The following MTDH variants were observed in gnomAD, a reference collection of about 807,000 sequenced individuals.
The protein encoded by MTDH is protein LYRIC.
A neutral mutation model predicts 72.7 loss-of-function variants in MTDH; 34 were observed. That is an observed-to-expected ratio of 0.47 (90% CI 0.36 to 0.62). MTDH has a LOEUF of 0.62. Among genes scored for constraint, MTDH ranks in the 20% least tolerant of loss-of-function variants. The pLI, the probability that MTDH is intolerant of heterozygous loss-of-function variation, is 0.00. For synonymous variants in MTDH, 266 were observed against 268.9 expected (o/e 0.99, Z 0.10); for missense variants, 677 against 699.4 (o/e 0.97, Z 0.36).
In MTDH at chr8:97,713,268, G is replaced by A. The variant is rs186004135; in HGVS notation, c.1273-394G>A. On this transcript the variant is annotated intron_variant, in intron 8 of 11. Coordinates refer to ENST00000336273, the MANE Select transcript of MTDH (RefSeq NM_178812.4). ...CCCGGCTAATTTTTTTGTATTTTTA[G>A]TAGAGATGGGGTTTCACCATGTTAG... 5.0e-3 allele frequency among the ~76,000 whole-genome samples: 753 copies of A among 152,072 alleles called. 5 individuals are homozygous for A. The highest frequency in any genetic ancestry group is 0.017 in the African/African-American group (720 of 41,480).
At chr8:97,667,678 G>C (rs963908914) in intron 2 of MTDH, among the ~76,000 whole-genome samples, 1 of 152,032 alleles carries the variant, frequency 6.6e-6, no homozygotes, top group Non-Finnish European at 1.5e-5. Context: ...AACATGACTT[G>C]TTGGCAAGTG....
chr8:97,725,944 G>A lies in MTDH; in HGVS notation c.*1274G>A, dbSNP rs946863998. 6.6e-6 allele frequency: 1 copy of A among 152,498 alleles called. No homozygotes were observed. Among genetic ancestry groups the A allele is most frequent in the Non-Finnish European group, 1.5e-5 (1 of 68,024 alleles). 9.4% of individuals were successfully genotyped at this position (152,498 alleles called of 1,614,324 possible). A position where few individuals can be genotyped will look rare whatever the true frequency, so the allele number is the denominator to read the frequency against. ...AGGACCATAATTAACATCACTTAGT[G>A]AATTGTGATAAAGAAAAAAAAGCCA... is the stretch of plus-strand genomic sequence containing the variant. On this transcript the variant is annotated 3_prime_UTR_variant, in exon 12 of 12. Coordinates refer to ENST00000336273, the MANE Select transcript of MTDH (RefSeq NM_178812.4).
At chr8:97,687,373 A>G (rs1813408240) in intron 3 of MTDH, 56 bp from the exon 4 acceptor site, 7 of 1,473,814 alleles carry the variant, frequency 4.7e-6, no homozygotes, top group South Asian at 1.4e-5. Context: ...CCCCAAAACT[A>G]TAACTTTTTT....
intron 7 of MTDH, among the ~76,000 whole-genome samples, chr8:97,700,764 G>A (rs999154304): frequency 6.6e-6 from 1 of 152,160 alleles, no homozygotes; most frequent in Non-Finnish European, 1.5e-5. Context: ...CTTTTCCCAG[G>A]CCACACAGTT....
intron 9 of MTDH, among the ~76,000 whole-genome samples, chr8:97,714,005 T>A (rs532287746): frequency 1.3e-5 from 2 of 152,334 alleles, no homozygotes; most frequent in South Asian, 4.1e-4. Flanking sequence ...TTCCAAATTA[T>A]TCATGCATTT....
rs138382583 is a variant in MTDH at position 97,664,572 on chromosome 8, C to T, written c.483+3399C>T. 1.4e-3 allele frequency among the ~76,000 whole-genome samples: 220 copies of T among 152,156 alleles called. 1 individual carries two copies. The highest frequency in any genetic ancestry group is 5.1e-3 in the African/African-American group (210 of 41,528). ...GGCTGGTGTTCTGTTTTTGCCATCC[C>T]GTTTTGCATTTTGAATTTATGCTTT... is the stretch of plus-strand genomic sequence containing the variant. On this transcript the variant is annotated intron_variant, in intron 2 of 11. Coordinates refer to ENST00000336273, the MANE Select transcript of MTDH (RefSeq NM_178812.4).
At chr8:97,720,683 A>G (rs1461104087) in intron 10 of MTDH, among the ~76,000 whole-genome samples, 11 of 123,472 alleles carry the variant, frequency 8.9e-5, no homozygotes, top group African/African-American at 1.6e-4. Flanking sequence ...GTCTTGCTCT[A>G]TTGCCCAGGC....
chr8:97,712,662 G>T (rs1455932610), intron 8 of MTDH, among the ~76,000 whole-genome samples: 1 of 152,260 alleles, frequency 6.6e-6, no homozygotes, highest in African/African-American at 2.4e-5. Flanking sequence ...TAAGAAACTG[G>T]TTTTTCTGTA....
At chr8:97,685,357 TTAATG>T (rs937791464) in intron 2 of MTDH, among the ~76,000 whole-genome samples, 3 of 152,204 alleles carry the variant, frequency 2.0e-5, no homozygotes, top group Non-Finnish European at 4.4e-5. Flanking sequence ...ATTTATTTTT[TTAATG>T]TAATCTCTTG....
Position 97,722,307 on chromosome 8 carries a change from A to T in MTDH, c.1522-572A>T, listed in dbSNP as rs189874779. ...TCATCTTATTTATATGAAACTTAAG[A>T]ATATAAAAGTTAGGCCGGGCGTGGT... On this transcript the variant is annotated intron_variant, in intron 10 of 11. Transcript: ENST00000336273. Among the ~76,000 whole-genome samples, 224 of 152,314 alleles carry T rather than the reference A, an allele frequency of 1.5e-3. 1 individual carries two copies. The highest frequency in any genetic ancestry group is 5.1e-3 in the African/African-American group (210 of 41,572).
At chr8:97,667,007 G>A (rs7843569) in intron 2 of MTDH, among the ~76,000 whole-genome samples, 30,360 of 151,038 alleles carry the variant, frequency 0.2, 3,301 homozygotes, top group East Asian at 0.33. Flanking sequence ...ATTTTGTTTT[G>A]TTTGAAGAGA....
intron 2 of MTDH, among the ~76,000 whole-genome samples, chr8:97,680,105 C>T (rs1464802815): frequency 1.3e-5 from 2 of 152,116 alleles, no homozygotes; most frequent in African/African-American, 4.8e-5. Context: ...CAAGGTCTTG[C>T]TCTGTCGCCC....
intron 8 of MTDH, among the ~76,000 whole-genome samples, chr8:97,708,350 C>T (rs1814456895): frequency 1.5e-5 from 2 of 137,064 alleles, no homozygotes; most frequent in African/African-American, 5.5e-5. Context: ...GGCACGATCT[C>T]AGCTCTCTGC....
intron 2 of MTDH, among the ~76,000 whole-genome samples, chr8:97,686,094 A>G (rs1001927071): frequency 1.3e-5 from 2 of 152,238 alleles, no homozygotes; most frequent in Non-Finnish European, 2.9e-5. Context: ...ATTACCTGCT[A>G]TGTACAATTG....
At chr8:97,656,544 G>C (rs1041441693) in intron 1 of MTDH, among the ~76,000 whole-genome samples, 1 of 151,054 alleles carries the variant, frequency 6.6e-6, no homozygotes, top group Admixed American at 6.6e-5. Context: ...CTCATGATCT[G>C]CCTGCCTCAG....
At chr8:97,647,917 C>T (rs1305648394) in intron 1 of MTDH, among the ~76,000 whole-genome samples, 1 of 150,362 alleles carries the variant, frequency 6.7e-6, no homozygotes, top group Non-Finnish European at 1.5e-5. Context: ...GCACTCCAGC[C>T]TGGGCAACAC....
Position 97,687,489 on chromosome 8 carries a change from T to G in MTDH, c.629T>G (p.Val210Gly). 6.2e-7 allele frequency: 1 copy of G among 1,613,622 alleles called. No individual in the cohort carries two copies. The highest frequency in any genetic ancestry group is 8.5e-7 in the Non-Finnish European group (1 of 1,179,762). ...EKRQQRKRDK[V>G]LTDSGSLDST... ...CGACAGCAGCGTAAACGTGATAAGGTGCTGACTGATTCTGGTTCATTGGAT... is the reference window on the plus strand; with the variant it reads ...CGACAGCAGCGTAAACGTGATAAGGGGCTGACTGATTCTGGTTCATTGGAT... The change falls in exon 4 of 12, where the codon GTG becomes GGG. Residue 210 changes from valine (V) to glycine (G), a missense_variant. Physicochemically the swap from Val to Gly is moderately radical, Grantham distance 109 (BLOSUM62 -3). Coordinates refer to ENST00000336273, the MANE Select transcript of MTDH (RefSeq NM_178812.4).
At chr8:97,720,605 T>G (rs1352643911) in intron 10 of MTDH, among the ~76,000 whole-genome samples, 1 of 151,196 alleles carries the variant, frequency 6.6e-6, no homozygotes, top group Non-Finnish European at 1.5e-5. Flanking sequence ...ATTTATTTAT[T>G]TATGTGTGTG....
intron 2 of MTDH, among the ~76,000 whole-genome samples, 165 bp from the exon 3 acceptor site, chr8:97,686,503 G>C (rs975814018): frequency 6.6e-6 from 1 of 152,066 alleles, no homozygotes; most frequent in Non-Finnish European, 1.5e-5. Context: ...TCACTCAATG[G>C]TAACCTCATA....
Sources: allele counts gnomAD v4.1 joint callset (sites outside exome capture counted in the v4.1 genomes callset), GRCh38; gene constraint gnomAD v4.1.1; transcripts MANE v1.5; gene names NCBI Gene and HGNC (gene_info 2026-07-23, HGNC 2026-07-21).